Variants in TRDN observed in about 807,000 individuals in gnomAD.
TRDN encodes triadin.
TRDN carries 161 observed loss-of-function variants against 149.7 expected under a neutral mutation model. The observed-to-expected ratio is 1.08, with a 90% CI of 0.95 to 1.23. The LOEUF (loss-of-function observed/expected upper bound fraction) is 1.23. Ranked by LOEUF, TRDN falls within the 50% of genes most tolerant of loss-of-function variation. TRDN has a pLI of 0.00. For synonymous variants in TRDN, 294 were observed against 250.5 expected, an observed-to-expected ratio of 1.17 and a Z score of -1.64; for missense variants, 896 against 823.5, an observed-to-expected ratio of 1.09 and a Z score of -1.08.
rs1321732058 is a variant in TRDN, at chr6:123,377,864, A to T, written c.1219+2T>A. On this transcript the variant is annotated splice_donor_variant, in intron 17 of 40. Transcript: ENST00000334268. LOFTEE classifies it high-confidence loss of function. Reference sequence around the variant, plus strand: ...AGAACAGAGGAATTTAAAAACAGTTACCTGGTTCCACATGTTTTTCTTTCT... The same window carrying T: ...AGAACAGAGGAATTTAAAAACAGTTTCCTGGTTCCACATGTTTTTCTTTCT... 1 of 1,563,566 alleles carries T rather than the reference A, an allele frequency of 6.4e-7. No homozygotes were observed. The highest frequency in any genetic ancestry group is 1.8e-5 in the Admixed American group (1 of 55,456).
intron 2 of TRDN, among the ~76,000 whole-genome samples, chr6:123,552,121 A>AT (rs1270258406): frequency 3.9e-5 from 6 of 152,098 alleles, no homozygotes; most frequent in Non-Finnish European, 8.8e-5. Flanking sequence ...GAGATAAGAA[A>AT]TGTTTCTCAG....
chr6:123,456,450 C>T (rs1262763906), intron 10 of TRDN, among the ~76,000 whole-genome samples: 1 of 151,770 alleles, frequency 6.6e-6, no homozygotes, highest in Non-Finnish European at 1.5e-5. Context: ...ATAAAATTCT[C>T]ATTTAATTGA....
At chr6:123,597,650 CCAT>C (rs1165355290) in intron 1 of TRDN, among the ~76,000 whole-genome samples, 1 of 152,066 alleles carries the variant, frequency 6.6e-6, no homozygotes, top group African/African-American at 2.4e-5. Flanking sequence ...GCAACCACCA[CCAT>C]GATTGGTCAG....
At chr6:123,224,155 T>C in intron 38 of TRDN, 24 bp from the exon 39 acceptor site, 1 of 1,606,856 alleles carries the variant, frequency 6.2e-7, no homozygotes, top group Non-Finnish European at 8.5e-7. Context: ...AAAAGGCACA[T>C]AGAATCACAG....
In TRDN at chr6:123,439,008, A is replaced by G; in HGVS notation, c.932-5T>C. 1 of 1,545,642 alleles carries G rather than the reference A, an allele frequency of 6.5e-7. No homozygotes were observed. Among genetic ancestry groups the G allele is most frequent in the Non-Finnish European group, 8.7e-7 (1 of 1,143,548 alleles). On this transcript the variant is annotated splice_polypyrimidine_tract_variant and splice_region_variant and intron_variant, in intron 10 of 40. Coordinates refer to ENST00000334268, the MANE Select transcript of TRDN (RefSeq NM_006073.4). ...TCTTCTTTTCCCCTTCTTTTTCTAG[A>G]GAATACATTTAAAATATTTCCTTTA...
intron 23 of TRDN, among the ~76,000 whole-genome samples, chr6:123,325,465 C>T (rs556279076): frequency 1.2e-4 from 18 of 152,094 alleles, no homozygotes; most frequent in African/African-American, 3.6e-4. Context: ...TCTAATATTT[C>T]GTAGAGGAGG....
At chr6:123,265,793 C>T (rs1004180038) in intron 32 of TRDN, among the ~76,000 whole-genome samples, 47 of 102,510 alleles carry the variant, frequency 4.6e-4, no homozygotes, top group Non-Finnish European at 1.2e-4. Flanking sequence ...CTCCCAATCC[C>T]GTATGTTGAA....
At chr6:123,288,434 A>G (rs1345213515) in intron 24 of TRDN, among the ~76,000 whole-genome samples, 1 of 152,100 alleles carries the variant, frequency 6.6e-6, no homozygotes, top group East Asian at 1.9e-4. Flanking sequence ...AACAATAAAA[A>G]TGAAGAGACA....
intron 14 of TRDN, among the ~76,000 whole-genome samples, chr6:123,385,559 C>T (rs1362058106): frequency 6.6e-6 from 1 of 152,010 alleles, no homozygotes; most frequent in African/African-American, 2.4e-5. Context: ...GCCTGATTGA[C>T]AACTTTAGTC....
intron 9 of TRDN, among the ~76,000 whole-genome samples, chr6:123,483,980 G>A (rs1026317038): frequency 6.6e-6 from 1 of 152,084 alleles, no homozygotes; most frequent in African/African-American, 2.4e-5. Flanking sequence ...TACTAAGCTA[G>A]AATAAAAGTC....
At chr6:123,401,700 T>G (rs1296286940) in intron 12 of TRDN, among the ~76,000 whole-genome samples, 1 of 152,116 alleles carries the variant, frequency 6.6e-6, no homozygotes, top group African/African-American at 2.4e-5. Context: ...ATCCCAGCAC[T>G]TTGGGACACC....
At chr6:123,422,731 G>A (rs535023777) in intron 12 of TRDN, among the ~76,000 whole-genome samples, 1 of 152,158 alleles carries the variant, frequency 6.6e-6, no homozygotes, top group East Asian at 1.9e-4. Flanking sequence ...TAAATAAAAT[G>A]GGGCAAGTTT....
intron 4 of TRDN, among the ~76,000 whole-genome samples, chr6:123,541,237 C>A (rs922508468): frequency 3.3e-5 from 5 of 152,236 alleles, no homozygotes; most frequent in East Asian, 1.9e-4. Context: ...TCTTTTAATT[C>A]CTTCTGATGT....
At chr6:123,492,035 G>A (rs1194708286) in intron 9 of TRDN, among the ~76,000 whole-genome samples, 1 of 152,118 alleles carries the variant, frequency 6.6e-6, no homozygotes, top group Non-Finnish European at 1.5e-5. Context: ...TTAATAAAAT[G>A]AGAGTACTAA....
At chr6:123,263,749 C>G (rs964905076) in intron 33 of TRDN, among the ~76,000 whole-genome samples, 2 of 152,050 alleles carry the variant, frequency 1.3e-5, no homozygotes, top group Non-Finnish European at 2.9e-5. Flanking sequence ...CAGGCTGAGT[C>G]TCTTGTTGGA....
chr6:123,370,371 T>C (rs920782907), intron 19 of TRDN, among the ~76,000 whole-genome samples: 9 of 152,128 alleles, frequency 5.9e-5, no homozygotes, highest in African/African-American at 2.2e-4. Context: ...AACTGTATTA[T>C]TTAATTTGTG....
intron 13 of TRDN, among the ~76,000 whole-genome samples, chr6:123,391,986 C>T (rs976928552): frequency 5.9e-5 from 9 of 152,008 alleles, no homozygotes; most frequent in Non-Finnish European, 1.2e-4. Flanking sequence ...TGCAAAGACG[C>T]GAATGATATG....
intron 9 of TRDN, among the ~76,000 whole-genome samples, chr6:123,476,056 C>T (rs1281918375): frequency 4.4e-5 from 6 of 135,638 alleles, no homozygotes; most frequent in Non-Finnish European, 9.5e-5. Flanking sequence ...AAGTTCTGGC[C>T]AGGGCAATTA....
intron 2 of TRDN, among the ~76,000 whole-genome samples, chr6:123,555,109 T>G (rs867668957): frequency 3.4e-4 from 51 of 152,222 alleles, no homozygotes; most frequent in African/African-American, 1.2e-3. Flanking sequence ...ACAGTGAAAT[T>G]TGGTGTCTTC....
Sources: gnomAD v4.1 joint callset for allele counts (sites outside exome capture counted in the v4.1 genomes callset) on GRCh38, gnomAD v4.1.1 for gene constraint, MANE v1.5 for transcripts, NCBI Gene and HGNC (gene_info 2026-07-23, HGNC 2026-07-21) for gene names.